SGCZ: variants seen among roughly 807,000 people sequenced by gnomAD.
The protein encoded by SGCZ is zeta-sarcoglycan.
A neutral mutation model predicts 41.3 loss-of-function variants in SGCZ; 40 were observed. That is an observed-to-expected ratio of 0.97 (90% CI 0.75 to 1.26). The LOEUF is 1.26. Ranked by LOEUF, SGCZ falls within the 50% of genes most tolerant of loss-of-function variation. SGCZ has a pLI of 0.00. For synonymous variants in SGCZ, 206 were observed against 137.5 expected, an observed-to-expected ratio of 1.50 and a Z score of -3.49; for missense variants, 552 against 369.8, an observed-to-expected ratio of 1.49 and a Z score of -4.04.
intron 2 of SGCZ, among the ~76,000 whole-genome samples, chr8:14,543,341 T>C (rs2117157103): frequency 1.3e-5 from 2 of 152,204 alleles, no homozygotes; most frequent in Admixed American, 1.3e-4. Context: ...TTGTGATGTA[T>C]ATTAATTATG....
At chr8:15,189,513 G>C (rs1349370516) in intron 1 of SGCZ, among the ~76,000 whole-genome samples, 3 of 152,036 alleles carry the variant, frequency 2.0e-5, no homozygotes, top group East Asian at 3.9e-4. Flanking sequence ...TCACGCTCAA[G>C]GGACTCTTTG....
chr8:14,378,235 G>C (rs924356042), intron 2 of SGCZ, among the ~76,000 whole-genome samples: 7 of 151,468 alleles, frequency 4.6e-5, no homozygotes, highest in Non-Finnish European at 8.8e-5. Context: ...ACTGGTGTGA[G>C]ATGGTATCTC....
intron 5 of SGCZ, among the ~76,000 whole-genome samples, chr8:14,151,463 A>G (rs186263285): frequency 2.0e-3 from 301 of 152,232 alleles, no homozygotes; most frequent in African/African-American, 7.0e-3. Context: ...GTGAAAAGAC[A>G]TAACATTTTT....
intron 1 of SGCZ, among the ~76,000 whole-genome samples, chr8:14,828,519 A>G (rs1206799555): frequency 6.6e-6 from 1 of 152,226 alleles, no homozygotes; most frequent in Non-Finnish European, 1.5e-5. Context: ...AAACAAGTGT[A>G]ATCAAGATCC....
chr8:14,204,222 A>G (rs1328126856), intron 4 of SGCZ, among the ~76,000 whole-genome samples: 2 of 151,728 alleles, frequency 1.3e-5, no homozygotes, highest in Admixed American at 1.3e-4. Flanking sequence ...TGTTTGTGTC[A>G]TATCTGTTGC....
intron 1 of SGCZ, among the ~76,000 whole-genome samples, chr8:14,976,989 T>A (rs1468713762): frequency 6.6e-6 from 1 of 152,234 alleles, no homozygotes; most frequent in Non-Finnish European, 1.5e-5. Context: ...TTGTGAGAGA[T>A]ACATTTCAAA....
chr8:14,307,047 G>A (rs762275004), intron 3 of SGCZ, among the ~76,000 whole-genome samples: 1 of 151,946 alleles, frequency 6.6e-6, no homozygotes. Context: ...TCAAGAAATG[G>A]GAAAGAGAAA....
intron 2 of SGCZ, among the ~76,000 whole-genome samples, chr8:14,372,811 G>A (rs1257715266): frequency 6.6e-6 from 1 of 152,032 alleles, no homozygotes; most frequent in Non-Finnish European, 1.5e-5. Context: ...GGCACAAGGA[G>A]AAACAAATGA....
chr8:14,178,790 T>G (rs1398433768), intron 4 of SGCZ, among the ~76,000 whole-genome samples: 1 of 152,194 alleles, frequency 6.6e-6, no homozygotes, highest in Admixed American at 6.5e-5. Flanking sequence ...GATAAATAAA[T>G]TGAGTAAATG....
rs115526782 is a variant in SGCZ, at chr8:14,502,795, A to G, written c.234+51937T>C. ...GAACGGCAATCATTAAAAAGTCAAG[A>G]AAGAACAGATGCTGGCGAGGATGTG... On this transcript the variant is annotated intron_variant, in intron 2 of 7. Transcript: ENST00000382080. Among the ~76,000 whole-genome samples the G allele has an allele frequency of 9.0e-3, 1,370 of 152,304 alleles. 16 individuals are homozygous for G. The highest frequency in any genetic ancestry group is 0.031 in the African/African-American group (1,294 of 41,556).
chr8:14,477,209 T>A (rs551862939), intron 2 of SGCZ, among the ~76,000 whole-genome samples: 6 of 152,286 alleles, frequency 3.9e-5, no homozygotes, highest in Non-Finnish European at 7.4e-5. Context: ...ATAAAATTAT[T>A]CATATGAATT....
At chr8:14,345,591 T>C (rs1317536475) in intron 2 of SGCZ, among the ~76,000 whole-genome samples, 2 of 152,146 alleles carry the variant, frequency 1.3e-5, no homozygotes, top group Non-Finnish European at 2.9e-5. Context: ...CTCTGTTTAA[T>C]AACGTGAGTT....
At position 14,390,556 on chromosome 8, in the gene SGCZ, A is replaced by G. The variant is rs562699714; in HGVS notation, c.235-66352T>C. On this transcript the variant is annotated intron_variant, in intron 2 of 7. Coordinates refer to ENST00000382080, the MANE Select transcript of SGCZ (RefSeq NM_139167.4). ...GTTCAAATAAAAGAAACACTGAAAAATTCTGATTTAAAATTTTTTTAAAAA... is the reference window on the plus strand; with the variant it reads ...GTTCAAATAAAAGAAACACTGAAAAGTTCTGATTTAAAATTTTTTTAAAAA... Among the ~76,000 whole-genome samples, 197 of 152,114 alleles carry G rather than the reference A, an allele frequency of 1.3e-3. 1 individual carries two copies. Among genetic ancestry groups the G allele is most frequent in the African/African-American group, 4.7e-3 (194 of 41,578 alleles).
chr8:14,817,247 C>G lies in SGCZ; in HGVS notation c.40-262321G>C, dbSNP rs558651933. On this transcript the variant is annotated intron_variant, in intron 1 of 7. Coordinates refer to ENST00000382080, the MANE Select transcript of SGCZ (RefSeq NM_139167.4). ...GAGGCACCTGCCTCTGCCACATAGT[C>G]TCACCTAACAGGATCAGCTCAGCAT... Among the ~76,000 whole-genome samples the G allele has an allele frequency of 7.3e-4, 111 of 152,230 alleles. 1 individual carries two copies. Among genetic ancestry groups the G allele is most frequent in the Non-Finnish European group, 6.2e-4 (42 of 68,018 alleles).
chr8:14,210,289 C>T (rs571477629), intron 4 of SGCZ, among the ~76,000 whole-genome samples: 30 of 152,042 alleles, frequency 2.0e-4, no homozygotes, highest in African/African-American at 6.8e-4. Context: ...GAACTCCTGA[C>T]CTGAAGTGAT....
intron 2 of SGCZ, among the ~76,000 whole-genome samples, chr8:14,548,940 T>C (rs1341240351): frequency 6.6e-6 from 1 of 152,068 alleles, no homozygotes; most frequent in Non-Finnish European, 1.5e-5. Flanking sequence ...TTGGTGAGGC[T>C]GGAAGTCTTG....
chr8:14,181,669 T>C (rs1450792397), intron 4 of SGCZ, among the ~76,000 whole-genome samples: 6 of 152,208 alleles, frequency 3.9e-5, no homozygotes, highest in African/African-American at 1.2e-4. Flanking sequence ...CTGATGGTTT[T>C]ATAAACGGGA....
chr8:14,997,066 A>G (rs2061976), intron 1 of SGCZ, among the ~76,000 whole-genome samples: 99,428 of 152,036 alleles, frequency 0.65, 33,039 homozygotes, highest in Admixed American at 0.7. Context: ...TTTCTCTTTA[A>G]AATTGAATCA....
intron 2 of SGCZ, among the ~76,000 whole-genome samples, chr8:14,551,778 T>C (rs1031754150): frequency 7.5e-6 from 1 of 133,448 alleles, no homozygotes; most frequent in African/African-American, 3.6e-5. Flanking sequence ...GGTATCTCAA[T>C]AAGTAGAATA....
Sources: allele counts gnomAD v4.1 joint callset (sites outside exome capture counted in the v4.1 genomes callset), GRCh38; gene constraint gnomAD v4.1.1; transcripts MANE v1.5; gene names NCBI Gene and HGNC (gene_info 2026-07-23, HGNC 2026-07-21).